The following JARID2 variants were observed in gnomAD, a reference collection of about 807,000 sequenced individuals.
JARID2 encodes jumonji and AT-rich interaction domain containing 2.
Under a neutral mutation model 125.6 loss-of-function variants are expected in JARID2, and 21 were observed. That is an observed-to-expected ratio of 0.17 (90% CI 0.12 to 0.24). The LOEUF is 0.24. Ranked by LOEUF, JARID2 falls within the 10% of genes least tolerant of loss-of-function variation. JARID2 has a pLI of 1.00. For synonymous variants in JARID2, 736 were observed against 661.6 expected (o/e 1.11, Z -1.73); for missense variants, 1,303 against 1,639.6 (o/e 0.79, Z 3.55).
At chr6:15,306,307 A>G (rs1374591863) in intron 1 of JARID2, among the ~76,000 whole-genome samples, 1 of 147,798 alleles carries the variant, frequency 6.8e-6, no homozygotes, top group African/African-American at 2.5e-5. Context: ...CTCTTTTCTC[A>G]TTAACAACAT....
chr6:15,484,816 A>T (rs1489653621), intron 5 of JARID2, among the ~76,000 whole-genome samples: 3 of 152,214 alleles, frequency 2.0e-5, no homozygotes, highest in African/African-American at 7.2e-5. Context: ...TCTTAATGGC[A>T]GGAAAAAGCA....
intron 3 of JARID2, among the ~76,000 whole-genome samples, chr6:15,420,743 C>G (rs945175282): frequency 6.6e-6 from 1 of 152,152 alleles, no homozygotes; most frequent in African/African-American, 2.4e-5. Context: ...CTGTTTGGAT[C>G]TTGGTTTCAA....
At chr6:15,431,746 C>T (rs187810371) in intron 3 of JARID2, among the ~76,000 whole-genome samples, 10 of 152,252 alleles carry the variant, frequency 6.6e-5, no homozygotes, top group East Asian at 3.9e-4. Flanking sequence ...GATAATGACC[C>T]CATAGATTTT....
At chr6:15,361,906 T>C (rs1040270748) in intron 1 of JARID2, among the ~76,000 whole-genome samples, 1 of 149,906 alleles carries the variant, frequency 6.7e-6, no homozygotes, top group African/African-American at 2.5e-5. Flanking sequence ...TTTTTTTTTT[T>C]TTTTTTTCCC....
chr6:15,305,471 C>T (rs1301443790), intron 1 of JARID2, among the ~76,000 whole-genome samples: 2 of 152,328 alleles, frequency 1.3e-5, no homozygotes, highest in South Asian at 2.1e-4. Context: ...CCCCATCCTC[C>T]TCCTCTTGCC....
chr6:15,468,891 G>A (rs1171428909), intron 5 of JARID2, among the ~76,000 whole-genome samples, 173 bp downstream of exon 5: 1 of 152,108 alleles, frequency 6.6e-6, no homozygotes, highest in Non-Finnish European at 1.5e-5. Context: ...TGTAGTCCAG[G>A]GTGTTCTAGG....
rs201678814 is a variant in JARID2, at chr6:15,513,374, G to A, written c.3402G>A (p.Thr1134=). ...CTCGAAAGTGGCTGCAGTTGGAGAC[G>A]TCAGAGAGGAGGTGTCAGATCTGCC... ...KKPRKWLQLE[T]SERRCQICQH... The change falls in exon 16 of 18, where the codon ACG becomes ACA. Residue 1134 remains threonine (T), a synonymous_variant. Transcript: ENST00000341776. The A allele has an allele frequency of 9.4e-5, 151 of 1,613,064 alleles. No homozygotes were observed. Among genetic ancestry groups the A allele is most frequent in the Non-Finnish European group, 3.6e-5 (42 of 1,179,626 alleles).
intron 2 of JARID2, among the ~76,000 whole-genome samples, chr6:15,381,208 A>T (rs1300829079): frequency 3.3e-5 from 5 of 151,138 alleles, no homozygotes; most frequent in South Asian, 2.1e-4. Flanking sequence ...AAAAAAAAAA[A>T]ATTAGCCGGG....
Position 15,273,704 on chromosome 6 carries a change from AAAAC to A in JARID2, c.45+27131_45+27134del, listed in dbSNP as rs563299965. Among the ~76,000 whole-genome samples the A allele has an allele frequency of 8.2e-3, 1,253 of 152,310 alleles. 13 individuals carry two copies. Among genetic ancestry groups the A allele is most frequent in the African/African-American group, 0.028 (1,167 of 41,566 alleles). On this transcript the variant is annotated intron_variant, in intron 1 of 17. Transcript: ENST00000341776. ...CAACAAGAGCGAAACTCTGTCTCAA[AAAAC>A]AAACAAACAAGCAAACAAAACAGCT...
intron 1 of JARID2, among the ~76,000 whole-genome samples, chr6:15,307,795 T>C (rs1444927560): frequency 1.3e-5 from 2 of 152,236 alleles, no homozygotes; most frequent in African/African-American, 4.8e-5. Context: ...ATGAGAAATA[T>C]GTTCATTGCC....
At chr6:15,509,300 C>T (rs906147934) in intron 12 of JARID2, 3 of 985,150 alleles carry the variant, frequency 3.0e-6, no homozygotes, top group Non-Finnish European at 3.6e-6. Flanking sequence ...CTGTTCATGC[C>T]ATGCTGACTG....
intron 1 of JARID2, among the ~76,000 whole-genome samples, chr6:15,268,382 A>G (rs1760169969): frequency 6.6e-6 from 1 of 152,242 alleles, no homozygotes; most frequent in African/African-American, 2.4e-5. Context: ...TCATTTAGTC[A>G]GAGGGAAATG....
At chr6:15,433,921 G>GGTGGGTGTGT (rs1767082166) in intron 3 of JARID2, among the ~76,000 whole-genome samples, 1 of 131,312 alleles carries the variant, frequency 7.6e-6, no homozygotes, top group African/African-American at 2.9e-5. Flanking sequence ...CACTCTCCAG[G>GGTGGGTGTGT]GTGTGTGTGT....
intron 1 of JARID2, among the ~76,000 whole-genome samples, chr6:15,356,051 AC>A (rs1763589222): frequency 1.3e-5 from 2 of 152,100 alleles, no homozygotes. Flanking sequence ...TATTCTGGAG[AC>A]TTCGTAGCAA....
intron 5 of JARID2, 34 bp from the exon 6 acceptor site, chr6:15,487,273 G>T: frequency 6.3e-7 from 1 of 1,577,688 alleles, no homozygotes; most frequent in Non-Finnish European, 8.7e-7. Context: ...GGTCAAGGTA[G>T]TGATTTCATT....
chr6:15,365,803 A>C (rs1335550218), intron 1 of JARID2, among the ~76,000 whole-genome samples: 1 of 152,132 alleles, frequency 6.6e-6, no homozygotes, highest in Non-Finnish European at 1.5e-5. Flanking sequence ...AGGCAAGGGA[A>C]CATCATTCAC....
intron 6 of JARID2, among the ~76,000 whole-genome samples, chr6:15,489,382 C>A (rs1035383914): frequency 6.6e-6 from 1 of 152,236 alleles, no homozygotes; most frequent in Admixed American, 6.5e-5. Context: ...GGACCTGAGT[C>A]ATGTACATGT....
intron 1 of JARID2, among the ~76,000 whole-genome samples, chr6:15,373,287 C>T (rs1293513579): frequency 6.6e-6 from 1 of 152,116 alleles, no homozygotes; most frequent in Non-Finnish European, 1.5e-5. Context: ...TTTTTCTTCC[C>T]TCTTTAGTGC....
At chr6:15,351,591 A>G (rs1763430452) in intron 1 of JARID2, among the ~76,000 whole-genome samples, 1 of 152,156 alleles carries the variant, frequency 6.6e-6, no homozygotes, top group Non-Finnish European at 1.5e-5. Flanking sequence ...GAGTAGGTGC[A>G]TTTATATCAC....
Sources: allele counts gnomAD v4.1 joint callset (sites outside exome capture counted in the v4.1 genomes callset), GRCh38; gene constraint gnomAD v4.1.1; transcripts MANE v1.5; gene names NCBI Gene and HGNC (gene_info 2026-07-23, HGNC 2026-07-21).